Variants in ARID1B observed in about 807,000 individuals in gnomAD.
ARID1B encodes AT-rich interaction domain 1B.
ARID1B carries 30 observed loss-of-function variants against 212.3 expected under a neutral mutation model. The observed-to-expected ratio is 0.14, with a 90% CI of 0.11 to 0.19. ARID1B has a LOEUF of 0.19. Among genes scored for constraint, ARID1B ranks in the 10% least tolerant of loss-of-function variants. The pLI is 1.00. For missense variants in ARID1B, 2,891 were observed against 3,204.0 expected (o/e 0.90, Z 2.36); for synonymous variants, 1,402 against 1,301.7 (o/e 1.08, Z -1.66).
chr6:156,913,163 A>C (rs563349650), intron 3 of ARID1B, among the ~76,000 whole-genome samples: 1 of 150,710 alleles, frequency 6.6e-6, no homozygotes, highest in East Asian at 2.0e-4. Flanking sequence ...TACCTCACAT[A>C]GTTACCATTT....
chr6:156,838,890 C>T (rs893674626), intron 2 of ARID1B, among the ~76,000 whole-genome samples: 2 of 152,082 alleles, frequency 1.3e-5, no homozygotes. Flanking sequence ...GGTCAGCCAA[C>T]AAGGAGGCTT....
chr6:157,156,695 G>T (rs1282115149), intron 8 of ARID1B, among the ~76,000 whole-genome samples: 1 of 152,192 alleles, frequency 6.6e-6, no homozygotes, highest in African/African-American at 2.4e-5. Context: ...CCCAGCCAGG[G>T]GGCCAAGGCG....
At chr6:156,950,402 T>A (rs1450504586) in intron 4 of ARID1B, among the ~76,000 whole-genome samples, 1 of 152,242 alleles carries the variant, frequency 6.6e-6, no homozygotes, top group Admixed American at 6.5e-5. Context: ...CTAAATGCAC[T>A]TTTAAGTCAA....
At chr6:156,845,390 C>T (rs564016459) in intron 2 of ARID1B, among the ~76,000 whole-genome samples, 2 of 152,272 alleles carry the variant, frequency 1.3e-5, no homozygotes, top group Non-Finnish European at 2.9e-5. Context: ...CATGTCTTGT[C>T]TTTATGTAAT....
At chr6:156,824,707 G>A (rs1268564971) in intron 1 of ARID1B, among the ~76,000 whole-genome samples, 1 of 152,136 alleles carries the variant, frequency 6.6e-6, no homozygotes, top group Non-Finnish European at 1.5e-5. Flanking sequence ...GGAGGTTGCA[G>A]TGAGCTGAGA....
Position 157,012,767 on chromosome 6 carries a change from C to G in ARID1B, c.2248-71895C>G, listed in dbSNP as rs143451037. Reference sequence around the variant, plus strand: ...TTAATATCCAGTGTTCGTTTCAGATCTATGAATAATACTGCAGATTAACAA... The same window carrying G: ...TTAATATCCAGTGTTCGTTTCAGATGTATGAATAATACTGCAGATTAACAA... On this transcript the variant is annotated intron_variant, in intron 4 of 19. Transcript: ENST00000636930. Among the ~76,000 whole-genome samples, 226 of 152,302 alleles carry G rather than the reference C, an allele frequency of 1.5e-3. 2 individuals are homozygous for G. The highest frequency in any genetic ancestry group is 5.2e-3 in the African/African-American group (216 of 41,562).
chr6:157,010,563 G>A (rs951986124), intron 4 of ARID1B, among the ~76,000 whole-genome samples: 11 of 150,560 alleles, frequency 7.3e-5, no homozygotes, highest in South Asian at 4.2e-4. Flanking sequence ...CTCATGATCC[G>A]CCCACTTCAG....
upstream of ARID1B, chr6:156,777,199 C>T (rs573875503): frequency 1.3e-5 from 2 of 151,146 alleles, no homozygotes; most frequent in African/African-American, 4.8e-5. Context: ...GAGCGGCCGC[C>T]GAGCCGCCCC....
chr6:156,778,211 C>T lies in ARID1B; in HGVS notation c.531C>T (p.His177=). 1.9e-6 allele frequency: 3 copies of T among 1,539,942 alleles called. No individual in the cohort carries two copies. Among genetic ancestry groups the T allele is most frequent in the Non-Finnish European group, 1.7e-6 (2 of 1,146,276 alleles). The change falls in exon 1 of 20, where the codon CAC becomes CAT. Residue 177 remains histidine (H), a synonymous_variant. Coordinates refer to ENST00000636930, the MANE Select transcript of ARID1B (RefSeq NM_001374828.1). ...ACCACCACCATGCCCACCACCACCA[C>T]CACCATGCCCACCACCTCCACCACC... ...HHHHHHAHHH[H]HHAHHLHHHH...
At chr6:157,125,711 GTTAT>G (rs1364027360) in intron 6 of ARID1B, among the ~76,000 whole-genome samples, 2 of 152,218 alleles carry the variant, frequency 1.3e-5, no homozygotes, top group Admixed American at 6.5e-5. Flanking sequence ...CTGACTTTGA[GTTAT>G]TTGTCAGATG....
intron 2 of ARID1B, chr6:156,871,572 C>T (rs752211421): frequency 3.8e-5 from 59 of 1,570,892 alleles, no homozygotes; most frequent in Non-Finnish European, 5.0e-5. Flanking sequence ...TGGACTGACT[C>T]CAACACTGTT....
intron 2 of ARID1B, among the ~76,000 whole-genome samples, chr6:156,832,338 T>C (rs1349818889): frequency 6.6e-6 from 1 of 152,228 alleles, no homozygotes; most frequent in Non-Finnish European, 1.5e-5. Context: ...CTAGGATTAA[T>C]GTAATTGGCT....
chr6:157,042,015 C>T (rs976631578), intron 4 of ARID1B, among the ~76,000 whole-genome samples: 2 of 152,208 alleles, frequency 1.3e-5, no homozygotes, highest in Non-Finnish European at 2.9e-5. Context: ...TGTTGATTCA[C>T]CTCCTACAGG....
chr6:156,946,105 C>T (rs1167043840), intron 4 of ARID1B, among the ~76,000 whole-genome samples: 4 of 151,678 alleles, frequency 2.6e-5, no homozygotes, highest in African/African-American at 7.3e-5. Context: ...GCCTTTAATC[C>T]CAGCACTTCA....
chr6:156,800,308 G>A (rs1780683858), intron 1 of ARID1B, among the ~76,000 whole-genome samples: 1 of 152,184 alleles, frequency 6.6e-6, no homozygotes, highest in African/African-American at 2.4e-5. Context: ...ATTAAAATTA[G>A]GTTGGGTGTG....
At chr6:157,092,757 C>T (rs1202548503) in intron 5 of ARID1B, among the ~76,000 whole-genome samples, 1 of 152,186 alleles carries the variant, frequency 6.6e-6, no homozygotes, top group Non-Finnish European at 1.5e-5. Context: ...AATTTCCGTT[C>T]CCTTTCTCTA....
intron 3 of ARID1B, among the ~76,000 whole-genome samples, chr6:156,905,876 G>A (rs1438470362): frequency 1.3e-5 from 2 of 151,926 alleles, no homozygotes; most frequent in African/African-American, 4.8e-5. Flanking sequence ...TGTTATAATG[G>A]GATCTTCTGT....
intron 4 of ARID1B, among the ~76,000 whole-genome samples, chr6:157,015,872 A>G (rs1386357091): frequency 6.6e-6 from 1 of 152,236 alleles, no homozygotes; most frequent in East Asian, 1.9e-4. Context: ...CAACCCTCAG[A>G]AAGAAACACA....
rs1262867142 is a variant in ARID1B, at chr6:157,206,846, A to C, written c.6074A>C (p.Lys2025Thr). Residue 2025 changes from lysine (K) to threonine (T), a missense_variant, in exon 20 of 20, where the codon AAG becomes ACG. Lys to Thr is a moderately conservative substitution (Grantham distance 78). Transcript: ENST00000636930. The surrounding 1 kb of genome is among the most constrained non-coding windows in gnomAD (Gnocchi z 6.8). Reference protein sequence around the residue: ...ANPGPQTESSKFPFGIQQAKS... With the variant: ...ANPGPQTESSTFPFGIQQAKS... ...CCTGGGCCCCAGACCGAAAGCAGTA[A>C]GTTTCCCTTTGGTATCCAGCAAGCC... 6.2e-7 allele frequency: 1 copy of C among 1,614,152 alleles called. No homozygotes were observed.
Sources: gnomAD v4.1 joint callset for allele counts (sites outside exome capture counted in the v4.1 genomes callset) on GRCh38, gnomAD v4.1.1 for gene constraint, Gnocchi (gnomAD v3.1) non-coding constraint, MANE v1.5 for transcripts, NCBI Gene and HGNC (gene_info 2026-07-23, HGNC 2026-07-21) for gene names.